The following SYT2 variants were observed in gnomAD, a reference collection of about 807,000 sequenced individuals.
SYT2 encodes the protein synaptotagmin 2, also known as synaptotagmin-2.
Under a neutral mutation model 39.9 loss-of-function variants are expected in SYT2, and 15 were observed. That is an observed-to-expected ratio of 0.38 (90% CI 0.25 to 0.58). The LOEUF is 0.58. Ranked by LOEUF, SYT2 falls within the 20% of genes least tolerant of loss-of-function variation. The pLI, the probability that SYT2 is intolerant of heterozygous loss-of-function variation, is 0.70. For missense variants in SYT2, 389 were observed against 530.3 expected (o/e 0.73, Z 2.62); for synonymous variants, 181 against 204.5 (o/e 0.89, Z 0.98).
At chr1:202,698,777 A>G (rs1654038118) in intron 1 of SYT2, among the ~76,000 whole-genome samples, 1 of 151,844 alleles carries the variant, frequency 6.6e-6, no homozygotes, top group African/African-American at 2.4e-5. Context: ...GAACTTCCTC[A>G]CTCTTAGGGG....
At chr1:202,642,843 C>T (rs553518095) in intron 1 of SYT2, among the ~76,000 whole-genome samples, 2 of 152,212 alleles carry the variant, frequency 1.3e-5, no homozygotes, top group African/African-American at 4.8e-5. Flanking sequence ...CCACTTCATG[C>T]ACCTCCCCGC....
At chr1:202,688,258 C>T (rs1056510744) in intron 1 of SYT2, among the ~76,000 whole-genome samples, 15 of 152,304 alleles carry the variant, frequency 9.8e-5, no homozygotes, top group African/African-American at 3.4e-4. Flanking sequence ...ATAGTGGCTC[C>T]GTCTTTCTCC....
In SYT2 at chr1:202,595,077, C is replaced by G. The variant is rs1315969193; in HGVS notation, c.*1680G>C. On this transcript the variant is annotated 3_prime_UTR_variant, in exon 9 of 9. Transcript: ENST00000367268. ...GGCTTCTGGAGAAGCCATGAGTTTT[C>G]TGTGGTGAAAAAATGGCAAGGGCCT... The G allele has an allele frequency of 1.3e-5, 2 of 152,082 alleles. No homozygotes were observed. The highest frequency in any genetic ancestry group is 4.8e-5 in the African/African-American group (2 of 41,404). The allele number at this position is 152,082 out of a possible 1,614,324, so 9.4% of individuals were successfully genotyped here.
chr1:202,597,057 G>A, intron 8 of SYT2, 94 bp from the exon 9 acceptor site: 1 of 1,159,450 alleles, frequency 8.6e-7, no homozygotes, highest in Non-Finnish European at 1.3e-6. Context: ...CAATGATTGG[G>A]AAGGTAAGGC....
At chr1:202,643,645 C>G (rs1187619364) in intron 1 of SYT2, among the ~76,000 whole-genome samples, 1 of 152,262 alleles carries the variant, frequency 6.6e-6, no homozygotes, top group Non-Finnish European at 1.5e-5. Context: ...CGCGCGCCCA[C>G]GCCTCCCTTC....
At chr1:202,698,435 T>TC (rs1654030160) in intron 1 of SYT2, among the ~76,000 whole-genome samples, 1 of 152,018 alleles carries the variant, frequency 6.6e-6, no homozygotes, top group African/African-American at 2.4e-5. Context: ...CTGCAGAGCC[T>TC]CCCCGCCCTC....
At chr1:202,708,459 A>G (rs1558469127) in intron 1 of SYT2, among the ~76,000 whole-genome samples, 1 of 152,076 alleles carries the variant, frequency 6.6e-6, no homozygotes, top group Admixed American at 6.5e-5. Flanking sequence ...GAAAAAGCCA[A>G]GCCTCTGGGG....
Position 202,599,674 on chromosome 1 carries a change from C to G in SYT2, c.920-323G>C, listed in dbSNP as rs942309046. ...GGGAGTGGGTGGGGAGTGCTGAAGT[C>G]AGGACACACATCTGCTGGGTCATAA... On this transcript the variant is annotated intron_variant, in intron 7 of 8. Coordinates refer to ENST00000367268, the MANE Select transcript of SYT2 (RefSeq NM_177402.5). The surrounding 1 kb of genome is among the most constrained non-coding windows in gnomAD (Gnocchi z 4.4). 1.3e-5 allele frequency among the ~76,000 whole-genome samples: 2 copies of G among 152,132 alleles called. No homozygotes were observed. The highest frequency in any genetic ancestry group is 4.8e-5 in the African/African-American group (2 of 41,426).
chr1:202,657,035 C>T (rs758129317), intron 1 of SYT2, among the ~76,000 whole-genome samples: 4 of 152,200 alleles, frequency 2.6e-5, no homozygotes, highest in Non-Finnish European at 5.9e-5. Context: ...TTTTCCATTG[C>T]CTCTGCCCTG....
At chr1:202,665,595 G>A (rs550154087) in intron 1 of SYT2, among the ~76,000 whole-genome samples, 2 of 152,228 alleles carry the variant, frequency 1.3e-5, no homozygotes. Flanking sequence ...ATCCTACAAG[G>A]CCAGAAGAGT....
intron 1 of SYT2, among the ~76,000 whole-genome samples, chr1:202,707,365 C>T (rs1309925449): frequency 1.3e-5 from 2 of 152,152 alleles, no homozygotes; most frequent in African/African-American, 4.8e-5. Flanking sequence ...CATATTTAAC[C>T]ACTGCACTGA....
At chr1:202,610,386 G>A (rs1319985619) in intron 1 of SYT2, among the ~76,000 whole-genome samples, 1 of 152,158 alleles carries the variant, frequency 6.6e-6, no homozygotes, top group Non-Finnish European at 1.5e-5. Context: ...GGCAAAAACT[G>A]GAAGCATTCC....
At chr1:202,646,005 G>A (rs1369492837) in intron 1 of SYT2, among the ~76,000 whole-genome samples, 2 of 152,338 alleles carry the variant, frequency 1.3e-5, no homozygotes, top group Non-Finnish European at 2.9e-5. Context: ...ACTCCACTGA[G>A]GCACAGGGAG....
chr1:202,619,438 T>C lies in SYT2; in HGVS notation c.-17-13649A>G, dbSNP rs563128065. Among the ~76,000 whole-genome samples the C allele has an allele frequency of 1.1e-3, 166 of 152,078 alleles. 1 individual carries two copies. The South Asian group carries it at 0.017, about 16-fold the overall frequency. On this transcript the variant is annotated intron_variant, in intron 1 of 8. Coordinates refer to ENST00000367268, the MANE Select transcript of SYT2 (RefSeq NM_177402.5). ...AGGTCAAGGTCTGAAGAGGTAGGGG[T>C]CTGGGAGGCCCCAACAAGGGAGAAG... is the stretch of plus-strand genomic sequence containing the variant.
At chr1:202,708,936 T>A (rs1343492179) in intron 1 of SYT2, among the ~76,000 whole-genome samples, 1 of 152,162 alleles carries the variant, frequency 6.6e-6, no homozygotes, top group African/African-American at 2.4e-5. Context: ...TGTCACCCCC[T>A]CTAATGAAGT....
At chr1:202,645,444 C>T (rs1199420003) in intron 1 of SYT2, among the ~76,000 whole-genome samples, 1 of 152,206 alleles carries the variant, frequency 6.6e-6, no homozygotes, top group Non-Finnish European at 1.5e-5. Flanking sequence ...TCAGGTTCGA[C>T]TTTGGGGTTT....
Position 202,691,719 on chromosome 1 carries a change from GAGGGAGAGGGGGGGAGAGAGA to G in SYT2, c.-18+18518_-18+18538del, listed in dbSNP as rs1558463326. Reference sequence around the variant, plus strand: ...AGAGGGAGAGGGAGAGGGAGAGGGAGAGGGAGAGGGGGGGAGAGAGAGAGAGAGAGAGAGAGAGAGAGAGAG... The same window carrying G: ...AGAGGGAGAGGGAGAGGGAGAGGGAGGAGAGAGAGAGAGAGAGAGAGAGAG... On this transcript the variant is annotated intron_variant, in intron 1 of 8. Coordinates refer to ENST00000367268, the MANE Select transcript of SYT2 (RefSeq NM_177402.5). Among the ~76,000 whole-genome samples the G allele has an allele frequency of 1.3e-3, 58 of 43,272 alleles. 2 individuals carry two copies. Among genetic ancestry groups the G allele is most frequent in the East Asian group, 6.8e-3 (6 of 886 alleles). 28.4% of individuals were successfully genotyped at this position (43,272 alleles called of 152,430 possible). A position where few individuals can be genotyped will look rare whatever the true frequency, so the allele number is the denominator to read the frequency against.
intron 1 of SYT2, among the ~76,000 whole-genome samples, chr1:202,630,078 A>G (rs1405473951): frequency 2.0e-5 from 3 of 152,150 alleles, no homozygotes; most frequent in Admixed American, 6.5e-5. Context: ...GCTCCGAAGA[A>G]CAGAAAATGA....
At chr1:202,662,020 C>T (rs570890860) in intron 1 of SYT2, among the ~76,000 whole-genome samples, 4 of 152,294 alleles carry the variant, frequency 2.6e-5, no homozygotes, top group Admixed American at 2.0e-4. Flanking sequence ...AGGAGACACA[C>T]GTGTGATCAC....
Sources: allele counts gnomAD v4.1 joint callset (sites outside exome capture counted in the v4.1 genomes callset), GRCh38; gene constraint gnomAD v4.1.1; non-coding constraint Gnocchi (gnomAD v3.1); transcripts MANE v1.5; gene names NCBI Gene and HGNC (gene_info 2026-07-23, HGNC 2026-07-21).